TMPRSS12: variants seen among roughly 807,000 people sequenced by gnomAD.
TMPRSS12 encodes transmembrane serine protease 12, also known as transmembrane protease serine 12.
TMPRSS12 carries 25 observed loss-of-function variants against 26.0 expected under a neutral mutation model. That is an observed-to-expected ratio of 0.96 (90% CI 0.70 to 1.34). The LOEUF is 1.34. Ranked by LOEUF, TMPRSS12 falls within the 40% of genes most tolerant of loss-of-function variation. The pLI, the probability that TMPRSS12 is intolerant of heterozygous loss-of-function variation, is 0.00. For missense variants in TMPRSS12, 441 were observed against 440.1 expected, an observed-to-expected ratio of 1.00 and a Z score of -0.02; for synonymous variants, 150 against 161.7, an observed-to-expected ratio of 0.93 and a Z score of 0.55.
At chr12:50,859,910 CTG>C (rs1937918961) in intron 3 of TMPRSS12, among the ~76,000 whole-genome samples, 1 of 152,182 alleles carries the variant, frequency 6.6e-6, no homozygotes, top group Admixed American at 6.5e-5. Context: ...GTGTTTCACT[CTG>C]TGTATTTTTT....
In TMPRSS12 at chr12:50,887,751, TAG is replaced by T; in HGVS notation, c.*241_*242del. ...CATAATTCTGTATCTGGAATACTCATAGAGTTTGTACAAAATATTCAGTTAAA... is the reference window on the plus strand; with the variant it reads ...CATAATTCTGTATCTGGAATACTCATAGTTTGTACAAAATATTCAGTTAAA... On this transcript the variant is annotated 3_prime_UTR_variant, in exon 5 of 5. Coordinates refer to ENST00000398458, the MANE Select transcript of TMPRSS12 (RefSeq NM_182559.3). 2.6e-6 allele frequency: 1 copy of T among 388,412 alleles called. No homozygotes were observed. The highest frequency in any genetic ancestry group is 4.5e-6 in the Non-Finnish European group (1 of 221,706). The allele number at this position is 388,412 out of a possible 1,614,324, so 24.1% of individuals were successfully genotyped here.
At chr12:50,879,005 T>C (rs975664615) in intron 3 of TMPRSS12, among the ~76,000 whole-genome samples, 1 of 152,176 alleles carries the variant, frequency 6.6e-6, no homozygotes, top group African/African-American at 2.4e-5. Flanking sequence ...AACCAGAAAA[T>C]GGCCCTAATC....
At position 50,887,415 on chromosome 12, in the gene TMPRSS12, T is replaced by G; in HGVS notation, c.949T>G (p.Phe317Val). 6.2e-7 allele frequency: 1 copy of G among 1,613,936 alleles called. No homozygotes were observed. The highest frequency in any genetic ancestry group is 1.1e-5 in the South Asian group (1 of 91,078). ...SFYQKWLTEH[F>V]FHASTQGILT... ...CTACCAAAAGTGGCTGACAGAGCATTTCTTCCATGCAAGCACTCAAGGCAT... is the reference window on the plus strand; with the variant it reads ...CTACCAAAAGTGGCTGACAGAGCATGTCTTCCATGCAAGCACTCAAGGCAT... Residue 317 changes from phenylalanine (F) to valine (V), a missense_variant, in exon 5 of 5, where the codon TTC becomes GTC. By Grantham distance (50) the Phe-to-Val change is conservative. Coordinates refer to ENST00000398458, the MANE Select transcript of TMPRSS12 (RefSeq NM_182559.3).
At position 50,857,886 on chromosome 12, in the gene TMPRSS12, T is replaced by A. The variant is rs545378324; in HGVS notation, c.384-899T>A. ...CTCTGTCGCCCAGGCTGGAGTGCAG[T>A]GGCACGATCTCGGCTCACTGCAAGC... is the stretch of plus-strand genomic sequence containing the variant. On this transcript the variant is annotated intron_variant, in intron 2 of 4. Transcript: ENST00000398458. 6.6e-5 allele frequency among the ~76,000 whole-genome samples: 10 copies of A among 152,210 alleles called. No individual in the cohort carries two copies. In the East Asian group the frequency reaches 1.7e-3, roughly 26 times the overall value.
chr12:50,872,440 G>A (rs1422474264), intron 3 of TMPRSS12, among the ~76,000 whole-genome samples: 1 of 139,454 alleles, frequency 7.2e-6, no homozygotes, highest in African/African-American at 2.7e-5. Flanking sequence ...GTGAACCCGG[G>A]AAGCGGAGCT....
intron 2 of TMPRSS12, among the ~76,000 whole-genome samples, chr12:50,846,420 T>C (rs1304789509): frequency 6.6e-6 from 1 of 152,214 alleles, no homozygotes; most frequent in African/African-American, 2.4e-5. Flanking sequence ...TAGATGGTAT[T>C]GGCATCTTCA....
chr12:50,844,865 C>T (rs1039678423), intron 2 of TMPRSS12, among the ~76,000 whole-genome samples: 2 of 152,110 alleles, frequency 1.3e-5, no homozygotes, highest in Non-Finnish European at 2.9e-5. Context: ...TTTAACGTGT[C>T]ATGAAATATT....
At position 50,885,207 on chromosome 12, in the gene TMPRSS12, T is replaced by C. The variant is rs190841594; in HGVS notation, c.653-39T>C. On this transcript the variant is annotated intron_variant, in intron 3 of 4. Transcript: ENST00000398458. ...TAACATTTAAATCACTGTAAAAATGTCTGCTCCAAGATAACTTACTGGTAT... is the reference window on the plus strand; with the variant it reads ...TAACATTTAAATCACTGTAAAAATGCCTGCTCCAAGATAACTTACTGGTAT... The C allele has an allele frequency of 5.8e-5, 89 of 1,536,408 alleles. 1 individual carries two copies. The East Asian group carries it at 1.9e-3, about 32-fold the overall frequency.
At position 50,858,859 on chromosome 12, in the gene TMPRSS12, AAATT is replaced by A. The variant is rs748092649; in HGVS notation, c.461_464del (p.Ile154LysfsTer15). The A allele has an allele frequency of 6.2e-7, 1 of 1,602,562 alleles. No homozygotes were observed. Among genetic ancestry groups the A allele is most frequent in the Admixed American group, 1.7e-5 (1 of 58,624 alleles). ...CGCTATCCTCATACCAAGAAGATAA[AAATT>A]AAAGCAATCATTATTCATCCAAACT... On this transcript the variant is annotated frameshift_variant, in exon 3 of 5. Transcript: ENST00000398458. LOFTEE classifies it high-confidence loss of function.
chr12:50,877,703 C>T (rs1455495577), intron 3 of TMPRSS12, among the ~76,000 whole-genome samples: 1 of 152,178 alleles, frequency 6.6e-6, no homozygotes, highest in Admixed American at 6.5e-5. Context: ...CAGGTTCAAG[C>T]GATTCTCATG....
chr12:50,848,943 C>T (rs958828524), intron 2 of TMPRSS12, among the ~76,000 whole-genome samples: 7 of 152,218 alleles, frequency 4.6e-5, no homozygotes, highest in African/African-American at 1.7e-4. Context: ...TGGCTCACTG[C>T]AGCATCAATC....
At chr12:50,844,248 A>G (rs908144698) in intron 2 of TMPRSS12, among the ~76,000 whole-genome samples, 1 of 152,090 alleles carries the variant, frequency 6.6e-6, no homozygotes, top group Non-Finnish European at 1.5e-5. Flanking sequence ...CAGAACGTGC[A>G]GGTTTGTTAC....
At chr12:50,847,904 T>A (rs56239578) in intron 2 of TMPRSS12, 9,304 of 151,176 alleles carry the variant, frequency 0.062, 351 homozygotes, top group Admixed American at 0.11. Flanking sequence ...AGAAAAAATA[T>A]ATATATATAT....
chr12:50,847,696 G>C (rs966921814), intron 2 of TMPRSS12, among the ~76,000 whole-genome samples: 5 of 152,018 alleles, frequency 3.3e-5, no homozygotes, highest in Non-Finnish European at 7.4e-5. Flanking sequence ...AGAAGTTTGA[G>C]ACCAGCCTGG....
chr12:50,884,363 A>G (rs1347468454), intron 3 of TMPRSS12, among the ~76,000 whole-genome samples: 1 of 152,226 alleles, frequency 6.6e-6, no homozygotes, highest in African/African-American at 2.4e-5. Context: ...AGGCTCTAAA[A>G]TCCATTGGAA....
intron 3 of TMPRSS12, among the ~76,000 whole-genome samples, chr12:50,863,737 T>C (rs1269084029): frequency 6.6e-6 from 1 of 152,124 alleles, no homozygotes; most frequent in East Asian, 1.9e-4. Context: ...GAGAATAGAT[T>C]AGTAGTTGCT....
At chr12:50,844,194 T>TTTA (rs140958977) in intron 2 of TMPRSS12, among the ~76,000 whole-genome samples, 157 bp downstream of exon 2, 195 of 151,628 alleles carry the variant, frequency 1.3e-3, no homozygotes, top group Admixed American at 2.3e-3. Flanking sequence ...GAATCCTTTA[T>TTTA]TTATTATTAT....
chr12:50,847,300 G>A (rs899026918), intron 2 of TMPRSS12, among the ~76,000 whole-genome samples: 3 of 151,568 alleles, frequency 2.0e-5, no homozygotes, highest in Admixed American at 6.6e-5. Flanking sequence ...CTCGTGATCC[G>A]CCCGTCTCGG....
intron 3 of TMPRSS12, among the ~76,000 whole-genome samples, chr12:50,864,910 C>T (rs1221788771): frequency 2.0e-5 from 3 of 152,096 alleles, no homozygotes; most frequent in Admixed American, 6.5e-5. Context: ...CCACCCACCT[C>T]GGCCTCCTAA....
Sources: allele counts gnomAD v4.1 joint callset (sites outside exome capture counted in the v4.1 genomes callset), GRCh38; gene constraint gnomAD v4.1.1; transcripts MANE v1.5; gene names NCBI Gene and HGNC (gene_info 2026-07-23, HGNC 2026-07-21).